TMED3: variants seen among roughly 807,000 people sequenced by gnomAD.
TMED3 encodes the protein transmembrane emp24 domain-containing protein 3.
TMED3 carries 9 observed loss-of-function variants against 15.0 expected under a neutral mutation model. The observed-to-expected ratio is 0.60, with a 90% confidence interval of 0.36 to 1.04. The LOEUF is 1.04. TMED3 is among the 50% of genes least tolerant of loss of function. TMED3 has a pLI of 0.01. For synonymous variants in TMED3, 117 were observed against 121.4 expected, an observed-to-expected ratio of 0.96 and a Z score of 0.24; for missense variants, 267 against 278.9, an observed-to-expected ratio of 0.96 and a Z score of 0.30.
chr15:79,331,481 C>A (rs1386846253), intron 2 of TMED3, among the ~76,000 whole-genome samples: 1 of 140,684 alleles, frequency 7.1e-6, no homozygotes, highest in African/African-American at 2.7e-5. Context: ...AAAAACACTT[C>A]AGGACATTGG....
chr15:79,316,398 G>A (rs1391377380), intron 2 of TMED3, among the ~76,000 whole-genome samples: 1 of 152,188 alleles, frequency 6.6e-6, no homozygotes, highest in Admixed American at 6.5e-5. Flanking sequence ...TCTGACAGAG[G>A]TCAAAGGCCA....
rs758305181 is a variant in TMED3 at position 79,314,974 on chromosome 15, G to A, written c.417+969G>A. Among the ~76,000 whole-genome samples the A allele has an allele frequency of 2.6e-5, 4 of 152,160 alleles. No homozygotes were observed. The East Asian group carries it at 5.8e-4, about 22-fold the overall frequency. ...ACAGGAAGGAGCTCACCAAATACTT[G>A]TGAAATGACTGTCAGGGCCCAGGGA... On this transcript the variant is annotated intron_variant, in intron 2 of 2. Coordinates refer to ENST00000299705, the MANE Select transcript of TMED3 (RefSeq NM_007364.4).
intron 2 of TMED3, among the ~76,000 whole-genome samples, chr15:79,375,607 C>T (rs1164416504): frequency 2.0e-5 from 3 of 152,020 alleles, no homozygotes; most frequent in East Asian, 1.9e-4. Context: ...TGTCACATGG[C>T]GAAAGCAGAA....
At chr15:79,352,391 A>G (rs946792495) in intron 2 of TMED3, among the ~76,000 whole-genome samples, 2 of 151,994 alleles carry the variant, frequency 1.3e-5, no homozygotes, top group Admixed American at 1.3e-4. Flanking sequence ...GTCCATGGCC[A>G]TTTTTCAGAA....
At chr15:79,353,020 A>G (rs1388788358) in intron 2 of TMED3, among the ~76,000 whole-genome samples, 1 of 106,162 alleles carries the variant, frequency 9.4e-6, no homozygotes, top group Non-Finnish European at 1.7e-5. Context: ...ATTATATAAA[A>G]TATATATATT....
intron 2 of TMED3, among the ~76,000 whole-genome samples, chr15:79,331,437 C>A (rs1408348553): frequency 1.3e-5 from 2 of 151,488 alleles, no homozygotes; most frequent in Non-Finnish European, 2.9e-5. Context: ...AATGTAAGAC[C>A]CCAAATGTTA....
rs769443494 is a variant in TMED3, at chr15:79,311,254, G to T, written c.5G>T (p.Gly2Val). M[G>V]STVPRSASVL... ...CGAGACGGGACCGAGAGCATCATGG[G>T]CAGCACTGTCCCGCGCTCCGCCTCC... is the stretch of plus-strand genomic sequence containing the variant. Residue 2 changes from glycine to valine, a missense_variant, in exon 1 of 3, where the codon GGC becomes GTC. Gly to Val is a moderately radical substitution (Grantham distance 109). This residue lies in a region of TMED3 where 59 missense variants were observed against 47.0 expected (regional missense o/e 1.26). Transcript: ENST00000299705. 1 of 1,600,318 alleles carries T rather than the reference G, an allele frequency of 6.2e-7. No homozygotes were observed. Among genetic ancestry groups the T allele is most frequent in the South Asian group, 1.1e-5 (1 of 89,658 alleles).
chr15:79,411,541 G>A (rs1343722055), exon 3 of TMED3: 1 of 700,284 alleles, frequency 1.4e-6, no homozygotes, highest in Non-Finnish European at 2.6e-6. Context: ...AGTGGATGGA[G>A]GGAAGACACA....
chr15:79,330,230 C>A (rs1304358159), intron 2 of TMED3, among the ~76,000 whole-genome samples: 1 of 152,158 alleles, frequency 6.6e-6, no homozygotes, highest in Non-Finnish European at 1.5e-5. Context: ...AAAGGTCATT[C>A]AAGGAGCAAT....
At chr15:79,333,079 G>A (rs1231377787) in intron 2 of TMED3, among the ~76,000 whole-genome samples, 1 of 152,140 alleles carries the variant, frequency 6.6e-6, no homozygotes, top group Admixed American at 6.5e-5. Context: ...CTTGCAGTGG[G>A]ACAGTCTTTA....
chr15:79,375,724 C>T (rs1373861614), intron 2 of TMED3, among the ~76,000 whole-genome samples: 1 of 152,132 alleles, frequency 6.6e-6, no homozygotes, highest in East Asian at 1.9e-4. Context: ...CTAAATCATT[C>T]ATAAGAACTC....
At chr15:79,407,376 G>A (rs1226148396) in intron 2 of TMED3, among the ~76,000 whole-genome samples, 3 of 152,110 alleles carry the variant, frequency 2.0e-5, no homozygotes, top group Non-Finnish European at 2.9e-5. Context: ...TGGGGCATTT[G>A]CTCCCTAGTT....
intron 2 of TMED3, among the ~76,000 whole-genome samples, chr15:79,398,873 G>C (rs995089910): frequency 6.6e-6 from 1 of 152,020 alleles, no homozygotes; most frequent in African/African-American, 2.4e-5. Flanking sequence ...AGGGCCATCT[G>C]TTTTACTCAG....
At chr15:79,331,413 T>TG (rs35058471) in intron 2 of TMED3, among the ~76,000 whole-genome samples, 104,241 of 151,760 alleles carry the variant, frequency 0.69, 36,050 homozygotes, top group East Asian at 0.85. Context: ...CCACTCAAAA[T>TG]GATCAAAGAC....
chr15:79,338,131 T>G (rs1360006078), intron 2 of TMED3, among the ~76,000 whole-genome samples: 2 of 152,218 alleles, frequency 1.3e-5, no homozygotes, highest in Non-Finnish European at 2.9e-5. Flanking sequence ...AATGTGTTCA[T>G]GTATAATATA....
At chr15:79,403,351 A>G (rs1341187632) in intron 2 of TMED3, among the ~76,000 whole-genome samples, 1 of 151,612 alleles carries the variant, frequency 6.6e-6, no homozygotes, top group Non-Finnish European at 1.5e-5. Context: ...CTCCCCTTCC[A>G]GAATTCCCTA....
intron 2 of TMED3, among the ~76,000 whole-genome samples, chr15:79,370,151 C>T (rs1274460033): frequency 6.6e-6 from 1 of 151,190 alleles, no homozygotes; most frequent in African/African-American, 2.4e-5. Context: ...AGTGTAGTGG[C>T]GTGATCTCGG....
chr15:79,367,340 G>T (rs890352306), intron 2 of TMED3, among the ~76,000 whole-genome samples: 1 of 152,164 alleles, frequency 6.6e-6, no homozygotes, highest in African/African-American at 2.4e-5. Context: ...TAGGACCAGC[G>T]ATCCACACTG....
chr15:79,363,029 C>G (rs1893162144), intron 2 of TMED3, among the ~76,000 whole-genome samples: 1 of 151,958 alleles, frequency 6.6e-6, no homozygotes, highest in Non-Finnish European at 1.5e-5. Flanking sequence ...GACTGACTGA[C>G]AAAACACAGC....
Sources: gnomAD v4.1 joint callset for allele counts (sites outside exome capture counted in the v4.1 genomes callset) on GRCh38, gnomAD v4.1.1 for gene constraint, gnomAD v4.1.1 regional missense constraint, MANE v1.5 for transcripts, NCBI Gene and HGNC (gene_info 2026-07-23, HGNC 2026-07-21) for gene names.